TMC7: variants seen among roughly 807,000 people sequenced by gnomAD.
TMC7 encodes the protein transmembrane channel like 7, also known as transmembrane channel-like protein 7.
TMC7 carries 54 observed loss-of-function variants against 82.9 expected under a neutral mutation model. The ratio of observed to expected loss-of-function variants is 0.65; its 90% CI spans 0.52 to 0.82. The LOEUF is 0.82. TMC7 is among the 40% of genes least tolerant of loss of function. The pLI, the probability that TMC7 is intolerant of heterozygous loss-of-function variation, is 0.00. For synonymous variants in TMC7, 350 were observed against 337.9 expected (o/e 1.04, Z -0.39); for missense variants, 820 against 901.2 (o/e 0.91, Z 1.15).
At position 19,047,249 on chromosome 16, in the gene TMC7, G is replaced by A. The variant is rs750248394; in HGVS notation, c.1740G>A (p.Glu580=). ...TCATTATCATCTTCTATGTGAAAGA[G>A]GTAAGGAGCCGGTGGGAATGGGGGC... ...LKFIIIFYVK[E]WSLLYTCRPS... The change falls in exon 12 of 16, where the codon GAG becomes GAA. Residue 580 remains glutamate, a splice_region_variant and synonymous_variant. Transcript: ENST00000304381. The A allele has an allele frequency of 6.2e-7, 1 of 1,613,284 alleles. No individual in the cohort carries two copies. The highest frequency in any genetic ancestry group is 1.1e-5 in the South Asian group (1 of 90,966).
chr16:19,039,511 G>T (rs761425440), intron 8 of TMC7, among the ~76,000 whole-genome samples: 22 of 152,076 alleles, frequency 1.4e-4, no homozygotes, highest in Non-Finnish European at 2.8e-4. Context: ...TAACCTGTGG[G>T]TTACACTAAA....
intron 13 of TMC7, among the ~76,000 whole-genome samples, chr16:19,055,621 G>A (rs1426168228): frequency 6.6e-6 from 1 of 152,202 alleles, no homozygotes; most frequent in African/African-American, 2.4e-5. Flanking sequence ...GCCTCCCAAA[G>A]TGCTGGGATT....
At chr16:18,994,413 A>G (rs995568101) in intron 1 of TMC7, among the ~76,000 whole-genome samples, 52 of 151,638 alleles carry the variant, frequency 3.4e-4, no homozygotes, top group African/African-American at 1.2e-3. Flanking sequence ...CTATCGTGCC[A>G]CTGCACTCCA....
chr16:18,984,219 C>T, intron 1 of TMC7, 89 bp downstream of exon 1: 2 of 1,374,520 alleles, frequency 1.5e-6, no homozygotes, highest in East Asian at 3.0e-5. Context: ...TCGGCCTGGC[C>T]GCTGTTCCCT....
At chr16:19,025,085 T>G (rs975931831) in intron 5 of TMC7, among the ~76,000 whole-genome samples, 1 of 152,056 alleles carries the variant, frequency 6.6e-6, no homozygotes, top group South Asian at 2.1e-4. Flanking sequence ...AACTCTGTGT[T>G]GTGTAGAGCT....
chr16:19,041,896 G>A (rs1961031428), intron 9 of TMC7, among the ~76,000 whole-genome samples: 1 of 151,998 alleles, frequency 6.6e-6, no homozygotes, highest in African/African-American at 2.4e-5. Flanking sequence ...CCTTTGATTT[G>A]TGGAAGAAAC....
chr16:19,016,512 G>A lies in TMC7; in HGVS notation c.374G>A (p.Ser125Asn), dbSNP rs76437344. The A allele has an allele frequency of 2.7e-3, 4,365 of 1,614,210 alleles. 115 individuals carry two copies. The African/African-American group carries it at 0.051, about 19-fold the overall frequency. Residue 125 changes from serine (S) to asparagine (N), a missense_variant, in exon 3 of 16, where the codon AGC becomes AAC. Ser to Asn is a conservative substitution (Grantham distance 46). Around this residue, in one of 2 missense-constraint regions of TMC7, gnomAD observed 650 missense variants for 669.9 expected, o/e 0.97. Coordinates refer to ENST00000304381, the MANE Select transcript of TMC7 (RefSeq NM_024847.4). ...TGGGACCAGTGGAAGCGGTATAGCAGCAAGTCTTGGAAGAGGTTCCTAGAG... is the reference window on the plus strand; with the variant it reads ...TGGGACCAGTGGAAGCGGTATAGCAACAAGTCTTGGAAGAGGTTCCTAGAG... ...SEWDQWKRYSSKSWKRFLEKA... is the reference protein window; with the variant it reads ...SEWDQWKRYSNKSWKRFLEKA...
At position 18,984,089 on chromosome 16, in the gene TMC7, T is replaced by TCCAGCCCGGCAGGC; in HGVS notation, c.33_46dup (p.Arg16ProfsTer17). The TCCAGCCCGGCAGGC allele has an allele frequency of 6.7e-7, 1 of 1,503,230 alleles. No homozygotes were observed. The highest frequency in any genetic ancestry group is 8.8e-7 in the Non-Finnish European group (1 of 1,134,176). The allele number at this position is 1,503,230 out of a possible 1,614,324, so 93.1% of individuals were successfully genotyped here. ...ATGAGCGAGTCCAGCGGCAGTGCGC[T>TCCAGCCCGGCAGGC]CCAGCCCGGCAGGCCCAGCCGGCAG... On this transcript the variant is annotated frameshift_variant, in exon 1 of 16. Transcript: ENST00000304381. LOFTEE classifies it high-confidence loss of function.
At chr16:19,000,887 G>A (rs543673172) in intron 1 of TMC7, among the ~76,000 whole-genome samples, 7 of 152,128 alleles carry the variant, frequency 4.6e-5, no homozygotes, top group Non-Finnish European at 1.0e-4. Flanking sequence ...GGGTGTGGTG[G>A]CACACACCTG....
In TMC7 at chr16:19,044,936, T is replaced by G. The variant is rs1433843414; in HGVS notation, c.1390T>G (p.Ser464Ala). 3 of 1,613,952 alleles carry G rather than the reference T, an allele frequency of 1.9e-6. No individual in the cohort carries two copies. In the South Asian group the frequency reaches 3.3e-5, roughly 18 times the overall value. Residue 464 changes from serine (S) to alanine (A), a missense_variant, in exon 10 of 16, where the codon TCC becomes GCC. Around this residue, in one of 2 missense-constraint regions of TMC7, gnomAD observed 650 missense variants for 669.9 expected, o/e 0.97. Transcript: ENST00000304381. ...ATGTGTCCTGGTGTTCACGCTGGGC[T>G]CCAAGATCACATCCTGTGATGATGA... ...TICVLVFTLG[S>A]KITSCDDDTC... is the part of the protein sequence containing the mutation.
rs1305317993 is a variant in TMC7, at chr16:19,059,412, G to C, written c.2028-4G>C. The C allele has an allele frequency of 6.2e-7, 1 of 1,613,100 alleles. No homozygotes were observed. Among genetic ancestry groups the C allele is most frequent in the Non-Finnish European group, 8.5e-7 (1 of 1,179,554 alleles). Reference sequence around the variant, plus strand: ...CCTTGTGACCTGTCTGTCTTGTGTTGCAGCCTCATCATGTTTTACTTCATT... The same window carrying C: ...CCTTGTGACCTGTCTGTCTTGTGTTCCAGCCTCATCATGTTTTACTTCATT... On this transcript the variant is annotated splice_polypyrimidine_tract_variant and splice_region_variant and intron_variant, in intron 14 of 15. Transcript: ENST00000304381.
intron 1 of TMC7, among the ~76,000 whole-genome samples, chr16:18,996,322 C>T (rs992060424): frequency 2.0e-5 from 3 of 152,088 alleles, no homozygotes; most frequent in African/African-American, 7.2e-5. Flanking sequence ...TGGGACAAGT[C>T]GCATTGGGAG....
intron 5 of TMC7, among the ~76,000 whole-genome samples, chr16:19,024,413 C>T (rs1351679379): frequency 2.0e-5 from 3 of 151,734 alleles, no homozygotes; most frequent in South Asian, 4.2e-4. Flanking sequence ...AGAGCAAGAC[C>T]CCATCTTAAA....
In TMC7 at chr16:19,046,630, G is replaced by A. The variant is rs547221586; in HGVS notation, c.1554-433G>A. On this transcript the variant is annotated intron_variant, in intron 11 of 15. Transcript: ENST00000304381. ...TAGGAGGATCACTTGAGGCCAGGAG[G>A]TTGAGACCAGCCTGGGCAAAATAGC... Among the ~76,000 whole-genome samples, 12 of 152,118 alleles carry A rather than the reference G, an allele frequency of 7.9e-5. No individual in the cohort carries two copies. In the South Asian group the frequency reaches 2.3e-3, roughly 29 times the overall value.
intron 12 of TMC7, among the ~76,000 whole-genome samples, chr16:19,051,402 CT>C (rs1196848040): frequency 6.7e-6 from 1 of 148,738 alleles, no homozygotes; most frequent in African/African-American, 2.5e-5. Context: ...TCCCTCCCCC[CT>C]CCCCCCACAC....
intron 4 of TMC7, among the ~76,000 whole-genome samples, chr16:19,022,629 G>C (rs1465240236): frequency 6.6e-6 from 1 of 152,218 alleles, no homozygotes; most frequent in African/African-American, 2.4e-5. Context: ...AGTCCACTCC[G>C]TGATGTTCGC....
At chr16:19,020,473 TTAA>T (rs1959912708) in intron 3 of TMC7, among the ~76,000 whole-genome samples, 1 of 152,234 alleles carries the variant, frequency 6.6e-6, no homozygotes, top group Non-Finnish European at 1.5e-5. Flanking sequence ...AGGTTTATTG[TTAA>T]TGTTAGTGTC....
intron 3 of TMC7, among the ~76,000 whole-genome samples, chr16:19,021,381 GATAA>G (rs1199296359): frequency 2.6e-5 from 4 of 152,158 alleles, no homozygotes; most frequent in African/African-American, 9.7e-5. Flanking sequence ...ATAAGGAAAA[GATAA>G]ATATTGAGCC....
rs200938196 is a variant in TMC7, at chr16:19,058,044, ACACCAGG to A, written c.2027+1359_2028-1354del. ...CTCCTTAGCCTCCTGAGTAGCTGGGACACCAGGCACCAGGCACCTTCTACTACACCTG... is the reference window on the plus strand; with the variant it reads ...CTCCTTAGCCTCCTGAGTAGCTGGGACACCAGGCACCTTCTACTACACCTG... On this transcript the variant is annotated intron_variant, in intron 14 of 15. Transcript: ENST00000304381. Among the ~76,000 whole-genome samples the A allele has an allele frequency of 7.6e-3, 1,144 of 151,368 alleles. 37 individuals are homozygous for A. The highest frequency in any genetic ancestry group is 0.056 in the Admixed American group (853 of 15,116).
Sources: gnomAD v4.1 joint callset for allele counts (sites outside exome capture counted in the v4.1 genomes callset) on GRCh38, gnomAD v4.1.1 for gene constraint, gnomAD v4.1.1 regional missense constraint, MANE v1.5 for transcripts, NCBI Gene and HGNC (gene_info 2026-07-23, HGNC 2026-07-21) for gene names.